The following ATAD2B variants were observed in gnomAD, a reference collection of about 807,000 sequenced individuals.
ATAD2B encodes ATPase family AAA domain containing 2B.
ATAD2B carries 40 observed loss-of-function variants against 167.6 expected under a neutral mutation model. That is an observed-to-expected ratio of 0.24 (90% CI 0.19 to 0.31). The LOEUF is 0.31. Among genes scored for constraint, ATAD2B ranks in the 10% least tolerant of loss-of-function variants. The pLI, the probability that ATAD2B is intolerant of heterozygous loss-of-function variation, is 1.00. For missense variants in ATAD2B, 1,242 were observed against 1,757.2 expected (o/e 0.71, Z 5.24); for synonymous variants, 579 against 596.5 (o/e 0.97, Z 0.43).
At chr2:23,812,821 C>A (rs1248026182) in intron 17 of ATAD2B, among the ~76,000 whole-genome samples, 1 of 142,804 alleles carries the variant, frequency 7.0e-6, no homozygotes, top group African/African-American at 2.6e-5. Flanking sequence ...CAAGATCTCA[C>A]CACTGCAACA....
At chr2:23,910,581 G>C (rs1403468196) in intron 1 of ATAD2B, among the ~76,000 whole-genome samples, 1 of 151,692 alleles carries the variant, frequency 6.6e-6, no homozygotes, top group Non-Finnish European at 1.5e-5. Context: ...AAAAGAGATG[G>C]TGTCAGCTGG....
intron 17 of ATAD2B, among the ~76,000 whole-genome samples, chr2:23,814,896 T>C (rs969903574): frequency 7.3e-5 from 11 of 151,116 alleles, no homozygotes; most frequent in Non-Finnish European, 1.6e-4. Flanking sequence ...CTACTAAAAA[T>C]ACAAAAAAAA....
At chr2:23,790,014 A>G (rs1263965791) in intron 19 of ATAD2B, among the ~76,000 whole-genome samples, 1 of 152,212 alleles carries the variant, frequency 6.6e-6, no homozygotes, top group African/African-American at 2.4e-5. Context: ...CAAATCATTT[A>G]AAAGTTCATA....
Position 23,751,983 on chromosome 2 carries a change from T to C in ATAD2B, c.*63A>G. 7.9e-7 allele frequency: 1 copy of C among 1,261,152 alleles called. No homozygotes were observed. Among genetic ancestry groups the C allele is most frequent in the South Asian group, 1.3e-5 (1 of 75,374 alleles). 78.1% of individuals were successfully genotyped at this position (1,261,152 alleles called of 1,614,324 possible). A position where few individuals can be genotyped will look rare whatever the true frequency, so the allele number is the denominator to read the frequency against. On this transcript the variant is annotated 3_prime_UTR_variant, in exon 28 of 28. Transcript: ENST00000238789. The stretch of plus-strand genomic sequence containing the variant: ...ATAATTGGTGCAATTTGAAATTGAA[T>C]GGCTCAGAAGACTGCTCTGTGAGGA...
At chr2:23,827,227 C>G (rs1193834300) in intron 15 of ATAD2B, among the ~76,000 whole-genome samples, 1 of 151,952 alleles carries the variant, frequency 6.6e-6, no homozygotes. Flanking sequence ...ACTACCACCC[C>G]ACAGAGGGGA....
At chr2:23,691,229 G>C in the ATAD2B span, 2 of 220,280 alleles carry the variant, frequency 9.1e-6, no homozygotes, top group African/African-American at 2.3e-5. Context: ...GGATTGGCTG[G>C]CATCACAGCC....
chr2:23,779,051 T>C (rs1449587620), intron 22 of ATAD2B, among the ~76,000 whole-genome samples: 1 of 152,084 alleles, frequency 6.6e-6, no homozygotes, highest in Non-Finnish European at 1.5e-5. Context: ...ATCCAGCCCA[T>C]GCTTTACTAT....
the ATAD2B span, among the ~76,000 whole-genome samples, chr2:23,740,503 C>A: frequency 9.8e-4 from 148 of 151,148 alleles, no homozygotes; most frequent in African/African-American, 3.5e-3. Flanking sequence ...ATTCAACAAC[C>A]CTTCATGCTA....
At chr2:23,787,397 C>A (rs1031727625) in intron 20 of ATAD2B, among the ~76,000 whole-genome samples, 8 of 151,780 alleles carry the variant, frequency 5.3e-5, no homozygotes, top group Admixed American at 5.3e-4. Flanking sequence ...TATCTAGAAG[C>A]ATGAAAGATT....
chr2:23,688,620 A>C, the ATAD2B span, among the ~76,000 whole-genome samples: 1 of 149,338 alleles, frequency 6.7e-6, no homozygotes, highest in African/African-American at 2.5e-5. Flanking sequence ...GAAGTAGGTG[A>C]CTCCAGGAAG....
chr2:23,867,286 C>A (rs1321390854), intron 10 of ATAD2B, among the ~76,000 whole-genome samples: 3 of 152,200 alleles, frequency 2.0e-5, no homozygotes, highest in Admixed American at 1.3e-4. Flanking sequence ...AAGCTAGAAA[C>A]CTGGGTAATA....
chr2:23,858,737 C>T (rs1558671081), intron 12 of ATAD2B, among the ~76,000 whole-genome samples: 1 of 152,078 alleles, frequency 6.6e-6, no homozygotes, highest in South Asian at 2.1e-4. Context: ...TCCACCTCGG[C>T]CTGCCAATGT....
At chr2:23,781,194 TTAAACA>T (rs1679982553) in intron 22 of ATAD2B, among the ~76,000 whole-genome samples, 1 of 151,754 alleles carries the variant, frequency 6.6e-6, no homozygotes, top group Admixed American at 6.6e-5. Flanking sequence ...GGTACTACAA[TTAAACA>T]TAAACAATTT....
chr2:23,926,981 G>T lies in ATAD2B; in HGVS notation c.-211C>A. ...GCGGCGTGCGGGAAGCGGGGGCGGT[G>T]CTGCAGACCGGCAGCACAGACACTC... On this transcript the variant is annotated 5_prime_UTR_variant, in exon 1 of 28. Transcript: ENST00000238789. The T allele has an allele frequency of 1.8e-6, 1 of 566,992 alleles. No homozygotes were observed. Among genetic ancestry groups the T allele is most frequent in the Non-Finnish European group, 3.0e-6 (1 of 338,150 alleles). 35.1% of individuals were successfully genotyped at this position (566,992 alleles called of 1,614,324 possible).
chr2:23,795,308 A>G (rs1682430533), intron 19 of ATAD2B, among the ~76,000 whole-genome samples: 1 of 152,148 alleles, frequency 6.6e-6, no homozygotes, highest in African/African-American at 2.4e-5. Context: ...ACATTTAAAC[A>G]TATTTTCATG....
At chr2:23,816,508 G>A (rs1686477905) in intron 17 of ATAD2B, among the ~76,000 whole-genome samples, 1 of 152,086 alleles carries the variant, frequency 6.6e-6, no homozygotes, top group African/African-American at 2.4e-5. Flanking sequence ...TCCCAACATA[G>A]TGGATGAAAA....
chr2:23,854,678 CAAA>C (rs796112621), intron 13 of ATAD2B, among the ~76,000 whole-genome samples: 3 of 75,544 alleles, frequency 4.0e-5, no homozygotes, highest in African/African-American at 5.3e-5. Flanking sequence ...GACTTCGTCT[CAAA>C]AAAAAAAAAA....
In ATAD2B at chr2:23,901,623, A is replaced by G. The variant is rs143363571; in HGVS notation, c.217-5653T>C. Among the ~76,000 whole-genome samples the G allele has an allele frequency of 1.2e-4, 19 of 152,336 alleles. 1 individual carries two copies. The highest frequency in any genetic ancestry group is 1.2e-3 in the Admixed American group (19 of 15,292). ...AAACAAAATTTCTGGAAATTTGTTC[A>G]CAAATTATTAATATAAATTATTAGG... On this transcript the variant is annotated intron_variant, in intron 1 of 27. Coordinates refer to ENST00000238789, the MANE Select transcript of ATAD2B (RefSeq NM_017552.4).
Position 23,920,798 on chromosome 2 carries a change from A to T in ATAD2B, c.216+5757T>A, listed in dbSNP as rs1703801028. On this transcript the variant is annotated intron_variant, in intron 1 of 27. Transcript: ENST00000238789. Reference sequence around the variant, plus strand: ...CTTCCATGTAACTTTTTATCCAAAAATTCCCAATTTTTTTTACTCAGTAAC... The same window carrying T: ...CTTCCATGTAACTTTTTATCCAAAATTTCCCAATTTTTTTTACTCAGTAAC... 2.6e-5 allele frequency among the ~76,000 whole-genome samples: 4 copies of T among 152,310 alleles called. No individual in the cohort carries two copies. The South Asian group carries it at 8.3e-4, about 32-fold the overall frequency.
Sources: gnomAD v4.1 joint callset for allele counts (sites outside exome capture counted in the v4.1 genomes callset) on GRCh38, gnomAD v4.1.1 for gene constraint, MANE v1.5 for transcripts, NCBI Gene and HGNC (gene_info 2026-07-23, HGNC 2026-07-21) for gene names.